Variants in ADARB2 observed in about 807,000 individuals in gnomAD.
ADARB2 encodes the protein inactive double-stranded RNA-specific editase B2.
A neutral mutation model predicts 62.2 loss-of-function variants in ADARB2; 25 were observed. The ratio of observed to expected loss-of-function variants is 0.40; its 90% CI spans 0.29 to 0.56. The LOEUF is 0.56. Among genes scored for constraint, ADARB2 ranks in the 20% least tolerant of loss-of-function variants. The pLI is 0.43. For synonymous variants in ADARB2, 572 were observed against 500.8 expected (o/e 1.14, Z -1.90); for missense variants, 1,071 against 1,077.4 (o/e 0.99, Z 0.08).
intron 1 of ADARB2, among the ~76,000 whole-genome samples, chr10:1,513,034 T>A (rs1831957924): frequency 2.0e-5 from 3 of 152,240 alleles, no homozygotes; most frequent in Non-Finnish European, 2.9e-5. Context: ...TGACATTGCA[T>A]ACTGAAAATC....
intron 6 of ADARB2, among the ~76,000 whole-genome samples, chr10:1,227,901 T>G (rs1015393): frequency 0.3 from 44,912 of 152,180 alleles, 7,705 homozygotes; most frequent in South Asian, 0.47. Flanking sequence ...TTACCATGTG[T>G]CCACGTGGGT....
chr10:1,664,094 C>G (rs1355174949), intron 1 of ADARB2, among the ~76,000 whole-genome samples: 1 of 152,160 alleles, frequency 6.6e-6, no homozygotes, highest in Non-Finnish European at 1.5e-5. Flanking sequence ...GCCTGTGGGT[C>G]AGTGTGCGGG....
chr10:1,626,633 A>T (rs1564351068), intron 1 of ADARB2, among the ~76,000 whole-genome samples: 1 of 152,018 alleles, frequency 6.6e-6, no homozygotes, highest in Non-Finnish European at 1.5e-5. Context: ...GTCCTCAGTG[A>T]TATTTCCGGG....
intron 1 of ADARB2, among the ~76,000 whole-genome samples, chr10:1,697,025 G>A (rs1420515994): frequency 6.6e-6 from 1 of 151,846 alleles, no homozygotes; most frequent in Non-Finnish European, 1.5e-5. Flanking sequence ...TTTATGTGTG[G>A]CCCAAGACAG....
At chr10:1,205,072 A>G (rs573064587) in intron 7 of ADARB2, among the ~76,000 whole-genome samples, 14 of 152,140 alleles carry the variant, frequency 9.2e-5, no homozygotes, top group African/African-American at 3.4e-4. Flanking sequence ...GTTCTCCCTT[A>G]GGTCCCGGCC....
chr10:1,482,185 CG>C (rs368807910), intron 1 of ADARB2, among the ~76,000 whole-genome samples: 1 of 152,176 alleles, frequency 6.6e-6, no homozygotes, highest in Admixed American at 6.5e-5. Context: ...AACAGTATGG[CG>C]GTTCCTTGGG....
chr10:1,480,590 C>T lies in ADARB2; in HGVS notation c.101-101430G>A, dbSNP rs139119892. Among the ~76,000 whole-genome samples the T allele has an allele frequency of 3.1e-3, 479 of 152,070 alleles. 2 individuals carry two copies. Among genetic ancestry groups the T allele is most frequent in the African/African-American group, 0.011 (450 of 41,466 alleles). On this transcript the variant is annotated intron_variant, in intron 1 of 9. Transcript: ENST00000381312. Reference sequence around the variant, plus strand: ...GCTGGCACCTGTAGTCCCCGCTACTCAGGAGGCTGAGGTAGGAGAATGGTG... The same window carrying T: ...GCTGGCACCTGTAGTCCCCGCTACTTAGGAGGCTGAGGTAGGAGAATGGTG...
chr10:1,234,865 C>G (rs1830849532), intron 5 of ADARB2, among the ~76,000 whole-genome samples: 2 of 149,582 alleles, frequency 1.3e-5, no homozygotes, highest in Admixed American at 1.3e-4. Context: ...TCTCCTGCCT[C>G]AGCCTCCTGA....
At chr10:1,556,685 C>T (rs1323527905) in intron 1 of ADARB2, 1 of 534,498 alleles carries the variant, frequency 1.9e-6, no homozygotes, top group Admixed American at 1.9e-5. Flanking sequence ...CAGAGCTCAG[C>T]AAACCGGGAC....
chr10:1,712,206 AT>A (rs1834956249), intron 1 of ADARB2, among the ~76,000 whole-genome samples: 4 of 152,124 alleles, frequency 2.6e-5, no homozygotes, highest in Admixed American at 2.6e-4. Context: ...GACAATGACT[AT>A]TTTCTTTTTA....
intron 1 of ADARB2, among the ~76,000 whole-genome samples, chr10:1,694,073 C>G: frequency 6.6e-6 from 1 of 152,184 alleles, no homozygotes; most frequent in South Asian, 2.1e-4. Flanking sequence ...ATATTTTAAT[C>G]TGATGTTATG....
At chr10:1,386,117 T>C (rs1404705449) in intron 1 of ADARB2, among the ~76,000 whole-genome samples, 6 of 152,056 alleles carry the variant, frequency 3.9e-5, no homozygotes, top group Non-Finnish European at 8.8e-5. Context: ...TAGTTGGCTA[T>C]GATAAGTTAA....
intron 2 of ADARB2, among the ~76,000 whole-genome samples, chr10:1,370,006 A>G (rs1832353546): frequency 6.6e-6 from 1 of 152,230 alleles, no homozygotes; most frequent in Non-Finnish European, 1.5e-5. Context: ...TGTTAGATCA[A>G]TGGAGACAGT....
intron 1 of ADARB2, among the ~76,000 whole-genome samples, chr10:1,598,231 A>G (rs1311537071): frequency 6.6e-6 from 1 of 151,836 alleles, no homozygotes; most frequent in Non-Finnish European, 1.5e-5. Context: ...CCTGCTCACA[A>G]TTCCAGAGGT....
chr10:1,594,848 G>A (rs898876635), intron 1 of ADARB2, among the ~76,000 whole-genome samples: 1 of 152,142 alleles, frequency 6.6e-6, no homozygotes, highest in Non-Finnish European at 1.5e-5. Context: ...CCACCACTTC[G>A]TTGTATCGGG....
Position 1,377,452 on chromosome 10 carries a change from ATG to A in ADARB2, c.187+1620_187+1621del, listed in dbSNP as rs374642010. Among the ~76,000 whole-genome samples, 44 of 83,852 alleles carry A rather than the reference ATG, an allele frequency of 5.2e-4. 1 individual carries two copies. Among genetic ancestry groups the A allele is most frequent in the African/African-American group, 1.8e-3 (37 of 20,932 alleles). 55.0% of individuals were successfully genotyped at this position (83,852 alleles called of 152,430 possible). ...TGGTGTATGCTCCTGGGGTGTGCAT[ATG>A]TGTGTGTGTGCTCCTGGGGTGTGTG... On this transcript the variant is annotated intron_variant, in intron 2 of 9. Transcript: ENST00000381312.
At chr10:1,293,981 G>A (rs1299026633) in intron 3 of ADARB2, among the ~76,000 whole-genome samples, 1 of 151,868 alleles carries the variant, frequency 6.6e-6, no homozygotes, top group Admixed American at 6.6e-5. Context: ...GGGGGGCGGG[G>A]GCATGGGGGA....
intron 1 of ADARB2, among the ~76,000 whole-genome samples, chr10:1,484,597 A>C (rs61624888): frequency 0.096 from 14,581 of 152,284 alleles, 1,855 homozygotes; most frequent in African/African-American, 0.29. Flanking sequence ...ATTCTCCAGA[A>C]TATTCATTTG....
chr10:1,658,652 G>A lies in ADARB2; in HGVS notation c.100+78399C>T, dbSNP rs536403761. On this transcript the variant is annotated intron_variant, in intron 1 of 9. Transcript: ENST00000381312. ...TACAGGACAAGCCTCTGTCACGACA[G>A]CCCTTGCTGGTGTCTGCATCAGGAG... 3.9e-5 allele frequency among the ~76,000 whole-genome samples: 6 copies of A among 152,364 alleles called. No individual in the cohort carries two copies. In the South Asian group the frequency reaches 1.2e-3, roughly 32 times the overall value.
Sources: gnomAD v4.1 joint callset for allele counts (sites outside exome capture counted in the v4.1 genomes callset) on GRCh38, gnomAD v4.1.1 for gene constraint, MANE v1.5 for transcripts, NCBI Gene and HGNC (gene_info 2026-07-23, HGNC 2026-07-21) for gene names.